The following CNTNAP4 variants were observed in gnomAD, a reference collection of about 807,000 sequenced individuals.
CNTNAP4 encodes the protein contactin-associated protein-like 4.
CNTNAP4 carries 98 observed loss-of-function variants against 148.4 expected under a neutral mutation model. That is an observed-to-expected ratio of 0.66 (90% CI 0.56 to 0.78). The LOEUF (loss-of-function observed/expected upper bound fraction) is 0.78, where lower values mean the gene tolerates loss of function less well. CNTNAP4 is among the 30% of genes least tolerant of loss of function. The pLI is 0.00. For synonymous variants in CNTNAP4, 730 were observed against 565.1 expected, an observed-to-expected ratio of 1.29 and a Z score of -4.14; for missense variants, 1,935 against 1,565.6, an observed-to-expected ratio of 1.24 and a Z score of -3.98.
intron 11 of CNTNAP4, among the ~76,000 whole-genome samples, chr16:76,478,009 C>T (rs995259821): frequency 1.3e-5 from 2 of 152,106 alleles, no homozygotes; most frequent in Non-Finnish European, 2.9e-5. Flanking sequence ...CATAACTATT[C>T]CGAGAAATGA....
chr16:76,460,793 T>TATATATATATATATATATATAC (rs1292198875), intron 8 of CNTNAP4, among the ~76,000 whole-genome samples: 78 of 110,348 alleles, frequency 7.1e-4, no homozygotes, highest in African/African-American at 2.6e-3. Flanking sequence ...TATATATATA[T>TATATATATATATATATATATAC]ATTTAGAATT....
intron 17 of CNTNAP4, among the ~76,000 whole-genome samples, chr16:76,532,149 A>G (rs2084010910): frequency 6.6e-6 from 1 of 152,214 alleles, no homozygotes; most frequent in South Asian, 2.1e-4. Flanking sequence ...GTGCCCAGAA[A>G]GAGCTGCTAA....
intron 2 of CNTNAP4, among the ~76,000 whole-genome samples, chr16:76,317,519 A>T (rs919619938): frequency 6.6e-5 from 10 of 152,234 alleles, no homozygotes; most frequent in African/African-American, 2.4e-4. Context: ...CACGCTTGGC[A>T]ATACTAATAC....
At chr16:76,309,937 C>G (rs756176513) in intron 1 of CNTNAP4, 1 of 700,728 alleles carries the variant, frequency 1.4e-6, no homozygotes, top group African/African-American at 1.8e-5. Flanking sequence ...TTTTCTTCCC[C>G]GTCTCGGGTA....
chr16:76,373,198 G>T (rs1288436403), intron 3 of CNTNAP4, among the ~76,000 whole-genome samples: 1 of 148,772 alleles, frequency 6.7e-6, no homozygotes, highest in Admixed American at 6.7e-5. Context: ...CACATAAATA[G>T]GTGAATATAT....
chr16:76,343,668 A>G (rs1473754039), intron 2 of CNTNAP4, among the ~76,000 whole-genome samples: 5 of 152,048 alleles, frequency 3.3e-5, no homozygotes, highest in Non-Finnish European at 7.3e-5. Context: ...GGTTTGTTAC[A>G]TTTGCTTACA....
chr16:76,420,697 AACG>A (rs375875581), intron 3 of CNTNAP4, among the ~76,000 whole-genome samples: 11 of 151,968 alleles, frequency 7.2e-5, no homozygotes, highest in Non-Finnish European at 1.0e-4. Flanking sequence ...CAACAACAAC[AACG>A]AAACTACCCA....
At chr16:76,521,358 G>A in intron 16 of CNTNAP4, 48 bp downstream of exon 16, 3 of 1,467,028 alleles carry the variant, frequency 2.0e-6, no homozygotes, top group Non-Finnish European at 2.7e-6. Context: ...TCATTTAGTA[G>A]TAAATCTTTT....
intron 3 of CNTNAP4, among the ~76,000 whole-genome samples, chr16:76,386,074 G>A (rs1327896303): frequency 2.6e-5 from 4 of 152,188 alleles, no homozygotes; most frequent in African/African-American, 9.7e-5. Flanking sequence ...GGTACGTTGG[G>A]CAGCCCAGAG....
chr16:76,553,642 T>C (rs1383183063), intron 22 of CNTNAP4, 141 bp downstream of exon 22: 24 of 687,730 alleles, frequency 3.5e-5, no homozygotes, highest in Non-Finnish European at 5.7e-5. Flanking sequence ...TAGTTCTCCT[T>C]CCCATATCTT....
At chr16:76,439,810 C>G (rs2079968029) in intron 4 of CNTNAP4, among the ~76,000 whole-genome samples, 2 of 152,042 alleles carry the variant, frequency 1.3e-5, no homozygotes, top group Admixed American at 1.3e-4. Flanking sequence ...CTTAAGAGTC[C>G]TTAAATCATT....
chr16:76,311,807 C>T (rs1305455969), intron 1 of CNTNAP4, among the ~76,000 whole-genome samples: 3 of 152,132 alleles, frequency 2.0e-5, no homozygotes, highest in African/African-American at 7.2e-5. Flanking sequence ...TGCAGACGTC[C>T]ATGGTCTCCT....
chr16:76,328,471 T>C (rs1963211006), intron 2 of CNTNAP4, among the ~76,000 whole-genome samples: 1 of 152,210 alleles, frequency 6.6e-6, no homozygotes, highest in Admixed American at 6.5e-5. Flanking sequence ...ATGATTCACA[T>C]GACTAAACGC....
chr16:76,495,108 T>A (rs771809772), intron 14 of CNTNAP4, 42 bp downstream of exon 14: 1 of 1,601,230 alleles, frequency 6.2e-7, no homozygotes, highest in South Asian at 1.1e-5. Flanking sequence ...AAAGTTCATT[T>A]AAAAAAATTA....
At chr16:76,521,402 A>G (rs1328091259) in intron 16 of CNTNAP4, 92 bp downstream of exon 16, 1 of 1,013,810 alleles carries the variant, frequency 9.9e-7, no homozygotes, top group Non-Finnish European at 1.4e-6. Context: ...TGTCTACTTT[A>G]TCATCTGATT....
chr16:76,311,963 G>A (rs1249676026), intron 1 of CNTNAP4, among the ~76,000 whole-genome samples: 1 of 152,126 alleles, frequency 6.6e-6, no homozygotes, highest in African/African-American at 2.4e-5. Context: ...AATTTGAAAA[G>A]CCCCCTACTT....
chr16:76,303,596 G>A (rs1306370797), intron 1 of CNTNAP4, among the ~76,000 whole-genome samples: 10 of 152,138 alleles, frequency 6.6e-5, no homozygotes, highest in Non-Finnish European at 1.3e-4. Context: ...ATTTCTAACT[G>A]TATCATCAAA....
intron 18 of CNTNAP4, among the ~76,000 whole-genome samples, chr16:76,537,173 G>C (rs138085244): frequency 3.3e-5 from 5 of 152,238 alleles, no homozygotes; most frequent in Admixed American, 6.5e-5. Context: ...ATAATTTCCA[G>C]TTCATCTTGC....
intron 21 of CNTNAP4, among the ~76,000 whole-genome samples, chr16:76,543,666 G>T (rs1461288231): frequency 6.6e-6 from 1 of 152,306 alleles, no homozygotes; most frequent in Non-Finnish European, 1.5e-5. Flanking sequence ...GGGAGCCATT[G>T]AGTTAAAGTC....
Sources: gnomAD v4.1 joint callset for allele counts (sites outside exome capture counted in the v4.1 genomes callset) on GRCh38, gnomAD v4.1.1 for gene constraint, MANE v1.5 for transcripts, NCBI Gene and HGNC (gene_info 2026-07-23, HGNC 2026-07-21) for gene names.